SNTG2: variants seen among roughly 807,000 people sequenced by gnomAD.
The protein encoded by SNTG2 is syntrophin gamma 2.
SNTG2 carries 74 observed loss-of-function variants against 70.9 expected under a neutral mutation model. The observed-to-expected ratio is 1.04, with a 90% CI of 0.86 to 1.27. The LOEUF is 1.27. SNTG2 is among the 50% of genes most tolerant of loss of function. SNTG2 has a pLI of 0.00. For missense variants in SNTG2, 717 were observed against 690.7 expected, an observed-to-expected ratio of 1.04 and a Z score of -0.43; for synonymous variants, 278 against 273.8, an observed-to-expected ratio of 1.02 and a Z score of -0.15.
chr2:1,219,075 C>CT (rs2148017617), intron 9 of SNTG2, among the ~76,000 whole-genome samples: 1 of 152,194 alleles, frequency 6.6e-6, no homozygotes, highest in South Asian at 2.1e-4. Context: ...GGGCAGATTT[C>CT]TCATGAGTGG....
intron 1 of SNTG2, among the ~76,000 whole-genome samples, chr2:1,075,994 G>A (rs773279441): frequency 7.2e-5 from 11 of 152,170 alleles, no homozygotes; most frequent in African/African-American, 2.7e-4. Context: ...CAGATTGCAC[G>A]CCTGTGTGTA....
intron 8 of SNTG2, among the ~76,000 whole-genome samples, chr2:1,179,609 A>G (rs1450860869): frequency 6.6e-6 from 1 of 151,816 alleles, no homozygotes. Context: ...CATGGGTAGG[A>G]AGAATCAATA....
At chr2:966,287 A>G (rs1214520690) in intron 1 of SNTG2, among the ~76,000 whole-genome samples, 1 of 152,130 alleles carries the variant, frequency 6.6e-6, no homozygotes, top group Admixed American at 6.5e-5. Flanking sequence ...ATATCTATTA[A>G]GAGTACTTAT....
intron 9 of SNTG2, among the ~76,000 whole-genome samples, chr2:1,220,838 C>T (rs546695148): frequency 1.5e-3 from 224 of 152,302 alleles, no homozygotes; most frequent in Middle Eastern, 6.8e-3. Context: ...GGGTGTCTTC[C>T]GTGGTGCCCA....
intron 9 of SNTG2, among the ~76,000 whole-genome samples, chr2:1,226,986 C>T (rs1342121150): frequency 6.6e-6 from 1 of 152,222 alleles, no homozygotes; most frequent in African/African-American, 2.4e-5. Flanking sequence ...CAGGCAGCTG[C>T]CTTGCTTCCC....
At chr2:1,294,315 G>C (rs1488555094) in intron 14 of SNTG2, among the ~76,000 whole-genome samples, 1 of 152,138 alleles carries the variant, frequency 6.6e-6, no homozygotes, top group Non-Finnish European at 1.5e-5. Flanking sequence ...CCAACCCTCA[G>C]GTCCTGGCCA....
chr2:1,229,695 G>A (rs898261365), intron 9 of SNTG2, among the ~76,000 whole-genome samples: 1 of 152,226 alleles, frequency 6.6e-6, no homozygotes, highest in Non-Finnish European at 1.5e-5. Context: ...GCCAATGGAG[G>A]GGGTGGGAGG....
chr2:1,100,432 A>C (rs1665714600), intron 4 of SNTG2, among the ~76,000 whole-genome samples: 1 of 152,228 alleles, frequency 6.6e-6, no homozygotes, highest in Admixed American at 6.5e-5. Flanking sequence ...GGCGTGAGCC[A>C]CCGCACCCAG....
At chr2:1,076,858 T>A (rs1014074150) in intron 1 of SNTG2, among the ~76,000 whole-genome samples, 12 of 152,342 alleles carry the variant, frequency 7.9e-5, no homozygotes, top group Non-Finnish European at 1.8e-4. Flanking sequence ...TTCATAATTT[T>A]AAAATTATAA....
chr2:1,175,082 C>G (rs760346574), intron 8 of SNTG2, among the ~76,000 whole-genome samples: 8 of 152,144 alleles, frequency 5.3e-5, no homozygotes, highest in Non-Finnish European at 2.9e-5. Context: ...ATATTTTCCT[C>G]TAAATATTGT....
At chr2:1,003,697 A>G (rs145468741) in intron 1 of SNTG2, among the ~76,000 whole-genome samples, 1 of 152,230 alleles carries the variant, frequency 6.6e-6, no homozygotes, top group Non-Finnish European at 1.5e-5. Context: ...AGCAGCTATG[A>G]GTTTCGGAAG....
chr2:1,023,102 G>T (rs1660284311), intron 1 of SNTG2, among the ~76,000 whole-genome samples: 1 of 151,806 alleles, frequency 6.6e-6, no homozygotes, highest in Non-Finnish European at 1.5e-5. Flanking sequence ...AATCCTTTTT[G>T]ACTTTACATT....
At chr2:1,303,158 A>G (rs571710403) in intron 14 of SNTG2, among the ~76,000 whole-genome samples, 60 of 152,344 alleles carry the variant, frequency 3.9e-4, no homozygotes, top group African/African-American at 1.4e-3. Context: ...GTAAACATTT[A>G]TGGAATCCCC....
At chr2:1,319,156 G>A (rs1195415773) in intron 16 of SNTG2, among the ~76,000 whole-genome samples, 1 of 152,186 alleles carries the variant, frequency 6.6e-6, no homozygotes, top group Admixed American at 6.5e-5. Context: ...CTAAGACAGA[G>A]AGGCTTGAAA....
At chr2:1,204,774 A>G (rs1201503344) in intron 8 of SNTG2, among the ~76,000 whole-genome samples, 4 of 152,216 alleles carry the variant, frequency 2.6e-5, no homozygotes, top group Admixed American at 6.5e-5. Context: ...GTGTGTGTGT[A>G]TAGGAAAAAA....
chr2:1,005,441 G>A lies in SNTG2; in HGVS notation c.72+54373G>A, dbSNP rs13420089. Reference sequence around the variant, plus strand: ...GGCGGTGGGGGTACGTGAATTCTCTGTACCGTCCTCGTCCTCTCAGTTTCT... The same window carrying A: ...GGCGGTGGGGGTACGTGAATTCTCTATACCGTCCTCGTCCTCTCAGTTTCT... On this transcript the variant is annotated intron_variant, in intron 1 of 16. Transcript: ENST00000308624. Among the ~76,000 whole-genome samples the A allele has an allele frequency of 3.7e-3, 568 of 152,114 alleles. 5 individuals carry two copies. The highest frequency in any genetic ancestry group is 0.013 in the African/African-American group (546 of 41,500).
chr2:1,282,506 C>T (rs1170011761), intron 14 of SNTG2, among the ~76,000 whole-genome samples: 1 of 152,224 alleles, frequency 6.6e-6, no homozygotes, highest in East Asian at 1.9e-4. Context: ...CAGCTTCAGG[C>T]TGGGCTGAGT....
chr2:1,119,262 G>A (rs1429116653), intron 4 of SNTG2, among the ~76,000 whole-genome samples: 1 of 152,134 alleles, frequency 6.6e-6, no homozygotes. Context: ...CACTATGCTT[G>A]CTGTATCTGA....
chr2:1,151,237 A>T (rs1347588848), intron 6 of SNTG2, among the ~76,000 whole-genome samples: 1 of 10,838 alleles, frequency 9.2e-5, no homozygotes, highest in African/African-American at 2.2e-4. Context: ...TGCAGGCTGA[A>T]ATCAGGCTGC....
Sources: gnomAD v4.1 joint callset for allele counts (sites outside exome capture counted in the v4.1 genomes callset) on GRCh38, gnomAD v4.1.1 for gene constraint, MANE v1.5 for transcripts, NCBI Gene and HGNC (gene_info 2026-07-23, HGNC 2026-07-21) for gene names.